Variants in MYBPH observed in about 807,000 individuals in gnomAD.
MYBPH encodes the protein myosin binding protein H.
In MYBPH, 49 loss-of-function variants were observed where a neutral mutation model predicts 53.6. That is an observed-to-expected ratio of 0.91 (90% CI 0.73 to 1.16). The LOEUF (loss-of-function observed/expected upper bound fraction) is 1.16, where lower values mean the gene tolerates loss of function less well. MYBPH is among the 50% of genes most tolerant of loss of function. The probability of loss-of-function intolerance (pLI) is 0.00; values close to 1 mark genes in which losing one functional copy is unlikely to be tolerated. For missense variants in MYBPH, 558 were observed against 624.1 expected, an observed-to-expected ratio of 0.89 and a Z score of 1.13; for synonymous variants, 239 against 249.6, an observed-to-expected ratio of 0.96 and a Z score of 0.40.
At chr1:203,168,806 T>TA (rs1655636924) in intron 9 of MYBPH, 100 bp downstream of exon 9, 2 of 1,581,710 alleles carry the variant, frequency 1.3e-6, no homozygotes, top group Admixed American at 1.7e-5. Flanking sequence ...ACCCCAGTCT[T>TA]ACCACCCCTT....
rs757554815 is a variant in MYBPH at position 203,171,381 on chromosome 1, A to G, written c.793+2T>C. The G allele has an allele frequency of 1.2e-6, 2 of 1,611,692 alleles. No homozygotes were observed. The highest frequency in any genetic ancestry group is 2.2e-5 in the South Asian group (2 of 90,714). Reference sequence around the variant, plus strand: ...GACAGCACTGTTCCCCTGGCTCCATACCAATCACCAGGATGTCAATGACTG... The same window carrying G: ...GACAGCACTGTTCCCCTGGCTCCATGCCAATCACCAGGATGTCAATGACTG... On this transcript the variant is annotated splice_donor_variant, in intron 5 of 10. Coordinates refer to ENST00000255416, the MANE Select transcript of MYBPH (RefSeq NM_004997.3). LOFTEE classifies it high-confidence loss of function. This position sits in a 1 kb window ranked among gnomAD's most constrained non-coding sequence, Gnocchi z 4.2.
rs1237876343 is a variant in MYBPH at position 203,171,062 on chromosome 1, C to T, written c.932G>A (p.Gly311Glu). ...YMVQKADKKTGQWFTVLERYH... is the reference protein window; with the variant it reads ...YMVQKADKKTEQWFTVLERYH... ...CCACTTTGCCTCAGCCAGCCTCACC[C>T]CTGTCTTTTTGTCTGCCTTCTGCAC... The change falls in exon 6 of 11, where the codon GGG (glycine) becomes GAG (glutamate). Residue 311 changes from glycine (G) to glutamate (E), a missense_variant and splice_region_variant. Gly to Glu is a moderately conservative substitution (Grantham distance 98). Coordinates refer to ENST00000255416, the MANE Select transcript of MYBPH (RefSeq NM_004997.3). This position sits in a 1 kb window ranked among gnomAD's most constrained non-coding sequence, Gnocchi z 4.2. 9 of 1,585,874 alleles carry T rather than the reference C, an allele frequency of 5.7e-6. No homozygotes were observed. In the Admixed American group the frequency reaches 1.7e-4, roughly 29 times the overall value.
upstream of MYBPH, chr1:203,179,163 C>T (rs1427605916): frequency 7.2e-6 from 2 of 278,668 alleles, no homozygotes; most frequent in African/African-American, 2.2e-5. Flanking sequence ...AATTCCCTTG[C>T]CAGGCTTGGG....
intron 9 of MYBPH, 101 bp downstream of exon 9, chr1:203,168,805 T>C (rs1655636870): frequency 6.3e-7 from 1 of 1,581,020 alleles, no homozygotes; most frequent in African/African-American, 1.3e-5. Flanking sequence ...GACCCCAGTC[T>C]TACCACCCCT....
chr1:203,171,678 TCCCACTGG>T lies in MYBPH; in HGVS notation c.598-108_598-101del. On this transcript the variant is annotated intron_variant, in intron 4 of 10. Coordinates refer to ENST00000255416, the MANE Select transcript of MYBPH (RefSeq NM_004997.3). This position sits in a 1 kb window ranked among gnomAD's most constrained non-coding sequence, Gnocchi z 4.2. Reference sequence around the variant, plus strand: ...CTGGAGCTGTTCTCGGGGAAGCCTGTCCCACTGGCCCTTCTCAGGAGGGGCAGCAGAGG... The same window carrying T: ...CTGGAGCTGTTCTCGGGGAAGCCTGTCCCTTCTCAGGAGGGGCAGCAGAGG... 1.6e-6 allele frequency: 2 copies of T among 1,247,782 alleles called. No homozygotes were observed. The highest frequency in any genetic ancestry group is 2.2e-6 in the Non-Finnish European group (2 of 923,822). 77.3% of individuals were successfully genotyped at this position (1,247,782 alleles called of 1,614,324 possible). A position where few individuals can be genotyped will look rare whatever the true frequency, so the allele number is the denominator to read the frequency against.
chr1:203,177,674 C>T (rs562958625), upstream of MYBPH, among the ~76,000 whole-genome samples: 8 of 152,386 alleles, frequency 5.2e-5, no homozygotes, highest in African/African-American at 1.9e-4. Context: ...TGTGACTAAC[C>T]CCACAGGACA....
intron 8 of MYBPH, 74 bp from the exon 9 acceptor site, chr1:203,169,166 TA>T (rs945641196): frequency 3.0e-5 from 48 of 1,586,960 alleles, no homozygotes; most frequent in Non-Finnish European, 3.9e-5. Context: ...TCCCCAGGCT[TA>T]GGTGTGGACG....
At chr1:203,173,295 G>A (rs547964413) in intron 3 of MYBPH, among the ~76,000 whole-genome samples, 18 of 152,290 alleles carry the variant, frequency 1.2e-4, no homozygotes, top group Admixed American at 1.1e-3. Flanking sequence ...GACTAGGGTC[G>A]ACACAGCCAT....
At chr1:203,170,089 T>A (rs1218342147) in intron 7 of MYBPH, among the ~76,000 whole-genome samples, 5 of 152,240 alleles carry the variant, frequency 3.3e-5, no homozygotes, top group African/African-American at 1.2e-4. Context: ...TTTGCTCTGA[T>A]GTGTTTGTTA....
intron 7 of MYBPH, among the ~76,000 whole-genome samples, chr1:203,169,876 C>A (rs1655662996): frequency 6.6e-6 from 1 of 152,158 alleles, no homozygotes; most frequent in Non-Finnish European, 1.5e-5. Context: ...GTAAATACTC[C>A]TATCTCTCTT....
rs1226049990 is a variant in MYBPH, at chr1:203,168,941, C to T, written c.1382G>A (p.Gly461Glu). The T allele has an allele frequency of 2.5e-6, 4 of 1,614,082 alleles. No homozygotes were observed. The highest frequency in any genetic ancestry group is 3.4e-6 in the Non-Finnish European group (4 of 1,180,030). Residue 461 changes from glycine (G) to glutamate (E), a missense_variant, in exon 9 of 11, where the codon GGG (glycine) becomes GAG (glutamate). Gly to Glu is a moderately conservative substitution (Grantham distance 98). Coordinates refer to ENST00000255416, the MANE Select transcript of MYBPH (RefSeq NM_004997.3). ...VYTCKAINVL[G>E]EASVDCRLEV... is the part of the protein sequence containing the mutation. Reference sequence around the variant, plus strand: ...CAGCCGGCAGTCCACAGATGCCTCCCCCAGCACATTTATGGCCTTGCAGGT... The same window carrying T: ...CAGCCGGCAGTCCACAGATGCCTCCTCCAGCACATTTATGGCCTTGCAGGT...
chr1:203,177,820 T>C (rs1655843798), upstream of MYBPH, among the ~76,000 whole-genome samples: 1 of 152,212 alleles, frequency 6.6e-6, no homozygotes, highest in Non-Finnish European at 1.5e-5. Context: ...TGGCAGGGAT[T>C]AGGGAATACT....
intron 6 of MYBPH, among the ~76,000 whole-genome samples, 175 bp downstream of exon 6, chr1:203,170,886 G>A (rs1403831231): frequency 6.6e-6 from 1 of 152,206 alleles, no homozygotes; most frequent in Non-Finnish European, 1.5e-5. Flanking sequence ...TCTTCAGGAG[G>A]CATCTGAGGT....
Position 203,171,540 on chromosome 1 carries a change from G to T in MYBPH, c.636C>A (p.Gly212=), listed in dbSNP as rs752107343. The T allele has an allele frequency of 6.2e-7, 1 of 1,613,450 alleles. No homozygotes were observed. Among genetic ancestry groups the T allele is most frequent in the Non-Finnish European group, 8.5e-7 (1 of 1,179,906 alleles). The change falls in exon 5 of 11, where the codon GGC becomes GGA. Residue 212 remains glycine (G), a synonymous_variant. Transcript: ENST00000255416. This position sits in a 1 kb window ranked among gnomAD's most constrained non-coding sequence, Gnocchi z 4.2. The part of the protein sequence containing the change: ...PKPQATWTHN[G]HALDSQRVSM... ...TCACCCGCTGGCTGTCCAGGGCATG[G>T]CCGTTGTGGGTCCATGTGGCCTGAG...
chr1:203,172,258 T>A (rs1655715801), intron 3 of MYBPH, among the ~76,000 whole-genome samples: 5 of 151,924 alleles, frequency 3.3e-5, no homozygotes, highest in Admixed American at 1.3e-4. Context: ...TTTCAGGAGG[T>A]CAGCGCCTCC....
intron 2 of MYBPH, 77 bp from the exon 3 acceptor site, chr1:203,174,674 T>G: frequency 7.3e-7 from 1 of 1,365,626 alleles, no homozygotes; most frequent in South Asian, 1.7e-5. Flanking sequence ...CTTTTCCTGC[T>G]GGTGATCTGG....
chr1:203,168,486 G>A lies in MYBPH; in HGVS notation c.*32+141C>T, dbSNP rs1655626636. ...TCACTGTGAGTCTCTGGACATGCGT[G>A]CTAGTTGCCTGTGTCCACAAGTTTG... On this transcript the variant is annotated intron_variant, in intron 10 of 10. Transcript: ENST00000255416. 5 of 785,474 alleles carry A rather than the reference G, an allele frequency of 6.4e-6. No individual in the cohort carries two copies. The Admixed American group carries it at 1.0e-4, about 16-fold the overall frequency. The allele number at this position is 785,474 out of a possible 1,614,324, so 48.7% of individuals were successfully genotyped here.
chr1:203,172,408 G>GTGCTGCACCTGTCAGGC, intron 3 of MYBPH, among the ~76,000 whole-genome samples: 2 of 152,118 alleles, frequency 1.3e-5, no homozygotes, highest in East Asian at 3.9e-4. Flanking sequence ...TGGGGAGCAG[G>GTGCTGCACCTGTCAGGC]TGCTGCACCT....
chr1:203,170,422 T>C lies in MYBPH; in HGVS notation c.962A>G (p.His321Arg). The C allele has an allele frequency of 4.3e-6, 7 of 1,614,076 alleles. No individual in the cohort carries two copies. The highest frequency in any genetic ancestry group is 5.9e-6 in the Non-Finnish European group (7 of 1,179,994). Residue 321 changes from histidine (H) to arginine (R), a missense_variant, in exon 7 of 11, where the codon CAC (histidine) becomes CGC (arginine). Physicochemically the swap from His to Arg is conservative, Grantham distance 29 (BLOSUM62 0). Transcript: ENST00000255416. ...GTCAGAGATGGTGCAGGTGGTTGGGTGGTAGCGCTCCAGCACTGTGAACCA... is the reference window on the plus strand; with the variant it reads ...GTCAGAGATGGTGCAGGTGGTTGGGCGGTAGCGCTCCAGCACTGTGAACCA... ...GQWFTVLERY[H>R]PTTCTISDLI...
Sources: allele counts gnomAD v4.1 joint callset (sites outside exome capture counted in the v4.1 genomes callset), GRCh38; gene constraint gnomAD v4.1.1; non-coding constraint Gnocchi (gnomAD v3.1); transcripts MANE v1.5; gene names NCBI Gene and HGNC (gene_info 2026-07-23, HGNC 2026-07-21).